SNRPE: variants seen among roughly 807,000 people sequenced by gnomAD.
The protein encoded by SNRPE is small nuclear ribonucleoprotein polypeptide E.
For synonymous variants in SNRPE, 35 were observed against 36.7 expected (o/e 0.95, Z 0.17); for missense variants, 53 against 111.6 (o/e 0.48, Z 2.36).
intron 4 of SNRPE, among the ~76,000 whole-genome samples, chr1:203,869,289 CTTTTTTTTTTTTTTTTT>C (rs564988259): frequency 1.6e-4 from 11 of 66,792 alleles, no homozygotes; most frequent in South Asian, 7.1e-4. Context: ...AGGATGGAGT[CTTTTTTTTTTTTTTTTT>C]TTTTTTTTTT....
intron 1 of SNRPE, chr1:203,861,930 G>A (rs1689986018): frequency 1.6e-6 from 1 of 614,380 alleles, no homozygotes. Context: ...GAATGGACGC[G>A]GCAAAAGGAG....
intron 2 of SNRPE, 142 bp from the exon 3 acceptor site, chr1:203,863,521 A>G (rs1293638776): frequency 6.3e-6 from 4 of 630,176 alleles, no homozygotes; most frequent in African/African-American, 5.5e-5. Flanking sequence ...GGGTTTCACC[A>G]TGTTAACGAG....
At chr1:203,862,731 T>G (rs1437711777) in intron 2 of SNRPE, among the ~76,000 whole-genome samples, 1 of 152,182 alleles carries the variant, frequency 6.6e-6, no homozygotes, top group Non-Finnish European at 1.5e-5. Context: ...TTTAGCAACT[T>G]AAATTTTATA....
At position 203,869,289 on chromosome 1, in the gene SNRPE, CTTTTTTTTTTTTTTTTTTT is replaced by C. The variant is rs564988259; in HGVS notation, c.224-572_224-554del. ...AGGTTTGTTTATTGTAGGATGGAGT[CTTTTTTTTTTTTTTTTTTT>C]TTTTTTTTTTTTTTTGGAGATGAAT... On this transcript the variant is annotated intron_variant, in intron 4 of 4. Coordinates refer to ENST00000414487, the MANE Select transcript of SNRPE (RefSeq NM_003094.4). Among the ~76,000 whole-genome samples, 12 of 66,790 alleles carry C rather than the reference CTTTTTTTTTTTTTTTTTTT, an allele frequency of 1.8e-4. No homozygotes were observed. The East Asian group carries it at 2.0e-3, about 11-fold the overall frequency. The allele number at this position is 66,790 out of a possible 152,430, so 43.8% of individuals were successfully genotyped here.
chr1:203,868,828 C>G (rs904073403), intron 4 of SNRPE, among the ~76,000 whole-genome samples: 2 of 152,114 alleles, frequency 1.3e-5, no homozygotes, highest in Admixed American at 1.3e-4. Context: ...GCCACCACAC[C>G]TGGCTAATTT....
intron 1 of SNRPE, 156 bp from the exon 2 acceptor site, chr1:203,862,040 C>T: frequency 1.5e-6 from 1 of 660,732 alleles, no homozygotes; most frequent in Non-Finnish European, 2.8e-6. Flanking sequence ...CTTTAGAAGA[C>T]CCGTAACGAA....
Position 203,870,910 on chromosome 1 carries a change from A to G in SNRPE, c.*978A>G, listed in dbSNP as rs957821511. Among the ~76,000 whole-genome samples the G allele has an allele frequency of 4.6e-5, 7 of 152,240 alleles. No individual in the cohort carries two copies. The highest frequency in any genetic ancestry group is 1.0e-4 in the Non-Finnish European group (7 of 68,042). On this transcript the variant is annotated 3_prime_UTR_variant, in exon 5 of 5. Coordinates refer to ENST00000414487, the MANE Select transcript of SNRPE (RefSeq NM_003094.4). The stretch of plus-strand genomic sequence containing the variant: ...CCTGCCTTAAGTTCTGCTAAAGGCC[A>G]TGTTGTTATTAAGGACGGGTGAGGA...
chr1:203,863,920 A>G (rs879904310), intron 3 of SNRPE, among the ~76,000 whole-genome samples, 195 bp downstream of exon 3: 3 of 149,486 alleles, frequency 2.0e-5, no homozygotes, highest in Non-Finnish European at 4.5e-5. Flanking sequence ...ATAACTTTTA[A>G]TTCATTTTCT....
chr1:203,864,481 T>A (rs1572403752), intron 3 of SNRPE, among the ~76,000 whole-genome samples: 2 of 151,564 alleles, frequency 1.3e-5, no homozygotes, highest in Non-Finnish European at 2.9e-5. Context: ...ACCCAGGTGC[T>A]CTCAGCTCAC....
chr1:203,868,521 GGT>G (rs1690141928), intron 4 of SNRPE, among the ~76,000 whole-genome samples: 1 of 152,072 alleles, frequency 6.6e-6, no homozygotes, highest in South Asian at 2.1e-4. Context: ...GTGGGTTTCA[GGT>G]GTCTCTCTTT....
At position 203,863,585 on chromosome 1, in the gene SNRPE, C is replaced by G. The variant is rs867499166; in HGVS notation, c.82-78C>G. The G allele has an allele frequency of 3.2e-5, 31 of 962,780 alleles. No homozygotes were observed. In the Middle Eastern group the frequency reaches 9.0e-4, roughly 28 times the overall value. 59.6% of individuals were successfully genotyped at this position (962,780 alleles called of 1,614,324 possible). On this transcript the variant is annotated intron_variant, in intron 2 of 4. Transcript: ENST00000414487. ...CCACCTCCCTCGGCCTCCGAAAGTG[C>G]TGGGATTACAGGCGTGAGCCACCGC...
chr1:203,865,616 A>G (rs555641064), intron 4 of SNRPE, among the ~76,000 whole-genome samples: 1 of 152,246 alleles, frequency 6.6e-6, no homozygotes, highest in South Asian at 2.1e-4. Context: ...CAGTTCTAAC[A>G]CTATCTACCT....
chr1:203,863,615 G>C, intron 2 of SNRPE, 48 bp from the exon 3 acceptor site: 1 of 1,413,456 alleles, frequency 7.1e-7, no homozygotes, highest in East Asian at 2.3e-5. Context: ...CACCGCGCCC[G>C]GCCCTATTTT....
At chr1:203,864,900 A>C (rs930552865) in intron 3 of SNRPE, 141 bp from the exon 4 acceptor site, 14 of 494,744 alleles carry the variant, frequency 2.8e-5, no homozygotes, top group Admixed American at 2.5e-4. Context: ...AAAAAAAAAA[A>C]ACTTTGGGTG....
At chr1:203,868,628 C>T (rs191056827) in intron 4 of SNRPE, among the ~76,000 whole-genome samples, 41 of 152,216 alleles carry the variant, frequency 2.7e-4, no homozygotes, top group Admixed American at 1.4e-3. Context: ...CCTGCTTAGA[C>T]TATTTTTATG....
intron 4 of SNRPE, 24 bp from the exon 5 acceptor site, chr1:203,869,853 C>T (rs778178764): frequency 1.0e-5 from 16 of 1,579,840 alleles, no homozygotes; most frequent in Non-Finnish European, 1.4e-5. Flanking sequence ...CTATTAATAG[C>T]TTTTTGTTGT....
At chr1:203,862,498 C>G (rs1479419373) in intron 2 of SNRPE, among the ~76,000 whole-genome samples, 1 of 152,056 alleles carries the variant, frequency 6.6e-6, no homozygotes, top group Non-Finnish European at 1.5e-5. Flanking sequence ...CAGACTTGAC[C>G]ATGGTATTTG....
chr1:203,863,622 T>G, intron 2 of SNRPE, 41 bp from the exon 3 acceptor site: 1 of 1,518,390 alleles, frequency 6.6e-7, no homozygotes, highest in Admixed American at 1.7e-5. Flanking sequence ...CCCGGCCCTA[T>G]TTTTCTTTTT....
chr1:203,861,643 C>A lies in SNRPE; in HGVS notation c.-17C>A, dbSNP rs148378993. 2 of 1,609,386 alleles carry A rather than the reference C, an allele frequency of 1.2e-6. No homozygotes were observed. Among genetic ancestry groups the A allele is most frequent in the South Asian group, 1.1e-5 (1 of 90,968 alleles). ...CTCAGAGGCAGCGTGCGGGTGTGCT[C>A]TTTGTGAAATTCCACCATGGCGTAC... On this transcript the variant is annotated 5_prime_UTR_variant, in exon 1 of 5. Transcript: ENST00000414487.
Sources: gnomAD v4.1 joint callset for allele counts (sites outside exome capture counted in the v4.1 genomes callset) on GRCh38, gnomAD v4.1.1 for gene constraint, MANE v1.5 for transcripts, NCBI Gene and HGNC (gene_info 2026-07-23, HGNC 2026-07-21) for gene names.